SLCO4C1: variants seen among roughly 807,000 people sequenced by gnomAD.
The protein encoded by SLCO4C1 is organic anion transporter M1.
Under a neutral mutation model 72.1 loss-of-function variants are expected in SLCO4C1, and 58 were observed. The observed-to-expected ratio is 0.80, with a 90% CI of 0.65 to 1.00. The LOEUF is 1.00. SLCO4C1 is among the 50% of genes least tolerant of loss of function. The probability of loss-of-function intolerance (pLI) is 0.00; values close to 1 mark genes in which losing one functional copy is unlikely to be tolerated. For missense variants in SLCO4C1, 898 were observed against 857.9 expected (o/e 1.05, Z -0.58); for synonymous variants, 297 against 312.5 (o/e 0.95, Z 0.52).
At chr5:102,253,465 T>C (rs1748778015) in intron 8 of SLCO4C1, among the ~76,000 whole-genome samples, 1 of 151,952 alleles carries the variant, frequency 6.6e-6, no homozygotes, top group South Asian at 2.1e-4. Context: ...ATGGCAACAA[T>C]AGACACTGCA....
chr5:102,280,090 C>CAAAAAAAAAAAAAAAAAAAAAAAAAAA (rs36217271), intron 2 of SLCO4C1, among the ~76,000 whole-genome samples: 3 of 68,844 alleles, frequency 4.4e-5, no homozygotes, highest in Non-Finnish European at 8.0e-5. Flanking sequence ...TGCAATAAGG[C>CAAAAAAAAAAAAAAAAAAAAAAAAAAA]AAAAAAAAAA....
intron 1 of SLCO4C1, among the ~76,000 whole-genome samples, chr5:102,293,886 C>T (rs148535139): frequency 0.013 from 1,963 of 152,228 alleles, 45 homozygotes; most frequent in African/African-American, 0.044. Flanking sequence ...AGGCGTGTGC[C>T]ACCGCACCCG....
chr5:102,267,694 G>C (rs1447705534), intron 3 of SLCO4C1, among the ~76,000 whole-genome samples: 1 of 150,538 alleles, frequency 6.6e-6, no homozygotes, highest in Non-Finnish European at 1.5e-5. Context: ...TTTCCTTGAG[G>C]TACATCATTA....
At chr5:102,241,424 C>G (rs1748537336) in intron 10 of SLCO4C1, among the ~76,000 whole-genome samples, 1 of 151,770 alleles carries the variant, frequency 6.6e-6, no homozygotes, top group African/African-American at 2.4e-5. Context: ...CATACAAAAT[C>G]ATAATACAAA....
intron 5 of SLCO4C1, 85 bp downstream of exon 5, chr5:102,261,821 GTGAATC>G: frequency 1.6e-6 from 2 of 1,282,618 alleles, no homozygotes; most frequent in Non-Finnish European, 2.1e-6. Context: ...AAGAAACAGG[GTGAATC>G]TATAGTTCTT....
intron 10 of SLCO4C1, among the ~76,000 whole-genome samples, chr5:102,242,928 CTT>C (rs1748572176): frequency 6.6e-6 from 1 of 152,178 alleles, no homozygotes; most frequent in African/African-American, 2.4e-5. Context: ...GAACTTGACT[CTT>C]TGACATTTCT....
At position 102,257,146 on chromosome 5, in the gene SLCO4C1, G is replaced by A; in HGVS notation, c.1438C>T (p.Pro480Ser). Residue 480 changes from proline (P) to serine (S), a missense_variant, in exon 8 of 13, where the codon CCA (proline) becomes TCA (serine). Physicochemically the swap from Pro to Ser is moderately conservative, Grantham distance 74. Coordinates refer to ENST00000310954, the MANE Select transcript of SLCO4C1 (RefSeq NM_180991.5). ...VFMYAKCENEPFAGVSESYNG... is the reference protein window; with the variant it reads ...VFMYAKCENESFAGVSESYNG... ...TATGATTCAGATACACCAGCAAATG[G>A]CTCATTTTCACATTTGGCATACATA... The A allele has an allele frequency of 1.3e-6, 2 of 1,593,396 alleles. No individual in the cohort carries two copies. The highest frequency in any genetic ancestry group is 1.1e-5 in the South Asian group (1 of 87,308).
chr5:102,290,330 GC>G (rs1246491638), intron 2 of SLCO4C1, among the ~76,000 whole-genome samples: 1 of 152,180 alleles, frequency 6.6e-6, no homozygotes, highest in Non-Finnish European at 1.5e-5. Context: ...TTAGGCGTGA[GC>G]CCCCACGCCT....
At chr5:102,260,164 G>T in intron 6 of SLCO4C1, 49 bp downstream of exon 6, 2 of 434,922 alleles carry the variant, frequency 4.6e-6, no homozygotes, top group Non-Finnish European at 6.8e-6. Context: ...GTGTGTATAT[G>T]TGTGTGTGTA....
At chr5:102,295,758 A>G in intron 1 of SLCO4C1, 150 bp downstream of exon 1, 1 of 726,748 alleles carries the variant, frequency 1.4e-6, no homozygotes, top group Non-Finnish European at 2.2e-6. Context: ...GACCTTGGTG[A>G]GAGCGCAAGC....
rs372576718 is a variant in SLCO4C1, at chr5:102,249,644, C to G, written c.1614G>C (p.Lys538Asn). The change falls in exon 9 of 13, where the codon AAG (lysine) becomes AAC (asparagine). Residue 538 changes from lysine (K) to asparagine (N), a missense_variant. Transcript: ENST00000310954. ...AGTAGGAGACATAAGCTACCTTTGG[C>G]TTCCTGTGTGCAACTGGGTTTGAAC... Reference protein sequence around the residue: ...AGCSNPVAHRKPKVYYNCSCI... With the variant: ...AGCSNPVAHRNPKVYYNCSCI... The G allele has an allele frequency of 8.7e-6, 14 of 1,613,436 alleles. No individual in the cohort carries two copies. Among genetic ancestry groups the G allele is most frequent in the African/African-American group, 5.3e-5 (4 of 74,878 alleles).
intron 2 of SLCO4C1, among the ~76,000 whole-genome samples, chr5:102,279,054 T>A (rs1749306667): frequency 6.6e-6 from 1 of 151,718 alleles, no homozygotes; most frequent in Non-Finnish European, 1.5e-5. Flanking sequence ...AAAAGTTCAT[T>A]TTCTGAAAAG....
At position 102,257,976 on chromosome 5, in the gene SLCO4C1, C is replaced by T. The variant is rs1165732807; in HGVS notation, c.1240G>A (p.Gly414Arg). 10 of 1,604,772 alleles carry T rather than the reference C, an allele frequency of 6.2e-6. No individual in the cohort carries two copies. Among genetic ancestry groups the T allele is most frequent in the Admixed American group, 3.4e-5 (2 of 58,698 alleles). ...FLPKFIENQF[G>R]LTSSFAATLG... The stretch of plus-strand genomic sequence containing the variant: ...GTAGCTGCGAAGCTGGATGTCAATC[C>T]GAATTGATTTTCTATAAATTTAGGT... Residue 414 changes from glycine to arginine, a missense_variant, in exon 7 of 13, where the codon GGA becomes AGA. By Grantham distance (125) the Gly-to-Arg change is moderately radical. Coordinates refer to ENST00000310954, the MANE Select transcript of SLCO4C1 (RefSeq NM_180991.5).
chr5:102,263,820 C>G (rs1748986742), intron 3 of SLCO4C1, 40 bp from the exon 4 acceptor site: 1 of 1,468,152 alleles, frequency 6.8e-7, no homozygotes, highest in South Asian at 1.2e-5. Context: ...GTCATATGTA[C>G]AACTTCACTT....
rs1425518927 is a variant in SLCO4C1, at chr5:102,234,861, TGGGA to T, written c.*1993_*1996del. 1.3e-5 allele frequency: 2 copies of T among 152,186 alleles called. No homozygotes were observed. The highest frequency in any genetic ancestry group is 2.9e-5 in the Non-Finnish European group (2 of 68,040). The allele number at this position is 152,186 out of a possible 1,614,324, so 9.4% of individuals were successfully genotyped here. A position where few individuals can be genotyped will look rare whatever the true frequency, so the allele number is the denominator to read the frequency against. On this transcript the variant is annotated 3_prime_UTR_variant, in exon 13 of 13. Transcript: ENST00000310954. ...AGCATTTACAACGTGTCTGGCTTGG[TGGGA>T]GGAAGATTGTCAATTGAGGTATCAT... is the stretch of plus-strand genomic sequence containing the variant.
intron 2 of SLCO4C1, among the ~76,000 whole-genome samples, chr5:102,282,415 A>C (rs966230686): frequency 1.3e-5 from 2 of 151,944 alleles, no homozygotes; most frequent in Non-Finnish European, 2.9e-5. Flanking sequence ...CAGTGAATTG[A>C]GTTTTTTTCT....
chr5:102,273,261 A>G (rs769003643), intron 2 of SLCO4C1, among the ~76,000 whole-genome samples: 30 of 152,292 alleles, frequency 2.0e-4, no homozygotes, highest in Non-Finnish European at 4.0e-4. Context: ...ATAATCAACC[A>G]AAATAGAAAA....
intron 7 of SLCO4C1, 41 bp from the exon 8 acceptor site, chr5:102,257,351 C>G (rs1480608745): frequency 6.8e-7 from 1 of 1,461,516 alleles, no homozygotes; most frequent in Non-Finnish European, 9.2e-7. Flanking sequence ...AAACCATACA[C>G]ATATACTCAC....
chr5:102,237,141 T>C (rs1748452492), intron 12 of SLCO4C1, 123 bp from the exon 13 acceptor site: 1 of 1,030,660 alleles, frequency 9.7e-7, no homozygotes. Context: ...ATTATAGTTC[T>C]ATGTTTAAAA....
Sources: gnomAD v4.1 joint callset for allele counts (sites outside exome capture counted in the v4.1 genomes callset) on GRCh38, gnomAD v4.1.1 for gene constraint, MANE v1.5 for transcripts, NCBI Gene and HGNC (gene_info 2026-07-23, HGNC 2026-07-21) for gene names.